GLP1R: variants seen among roughly 807,000 people sequenced by gnomAD.
The protein encoded by GLP1R is glucagon like peptide 1 receptor.
A neutral mutation model predicts 68.4 loss-of-function variants in GLP1R; 32 were observed. The observed-to-expected ratio is 0.47, with a 90% CI of 0.35 to 0.63. The LOEUF (loss-of-function observed/expected upper bound fraction) is 0.63. Among genes scored for constraint, GLP1R ranks in the 20% least tolerant of loss-of-function variants. The probability of loss-of-function intolerance (pLI) is 0.00; values close to 1 mark genes in which losing one functional copy is unlikely to be tolerated. For synonymous variants in GLP1R, 263 were observed against 244.4 expected, an observed-to-expected ratio of 1.08 and a Z score of -0.71; for missense variants, 502 against 594.9, an observed-to-expected ratio of 0.84 and a Z score of 1.62.
intron 1 of GLP1R, among the ~76,000 whole-genome samples, chr6:39,051,323 C>T (rs1050175532): frequency 6.6e-6 from 1 of 152,112 alleles, no homozygotes; most frequent in African/African-American, 2.4e-5. Context: ...ACTTTAGTCA[C>T]TTTAGTCAAA....
In GLP1R at chr6:39,086,197, A is replaced by G. The variant is rs1769143699; in HGVS notation, c.*124A>G. 2 of 593,002 alleles carry G rather than the reference A, an allele frequency of 3.4e-6. No homozygotes were observed. The highest frequency in any genetic ancestry group is 5.4e-6 in the Non-Finnish European group (2 of 367,992). 36.7% of individuals were successfully genotyped at this position (593,002 alleles called of 1,614,324 possible). A position where few individuals can be genotyped will look rare whatever the true frequency, so the allele number is the denominator to read the frequency against. On this transcript the variant is annotated 3_prime_UTR_variant, in exon 13 of 13. Transcript: ENST00000373256. This position sits in a 1 kb window ranked among gnomAD's most constrained non-coding sequence, Gnocchi z 4.5. ...CACACACACACACACACACACACAC[A>G]CACACACATACATCCTGCTTTCCCT...
In GLP1R at chr6:39,079,133, C is replaced by G. The variant is rs200118342; in HGVS notation, c.976C>G (p.Arg326Gly). Residue 326 changes from arginine (R) to glycine (G), a missense_variant, in exon 10 of 13, where the codon CGG becomes GGG. Coordinates refer to ENST00000373256, the MANE Select transcript of GLP1R (RefSeq NM_002062.5). This position sits in a 1 kb window ranked among gnomAD's most constrained non-coding sequence, Gnocchi z 4.5. ...GCAGGTGAACTTCCTCATCTTTGTT[C>G]GGGTCATCTGCATCGTGGTATCCAA... ...AIGVNFLIFV[R>G]VICIVVSKLK... The G allele has an allele frequency of 6.2e-7, 1 of 1,613,910 alleles. No homozygotes were observed. Among genetic ancestry groups the G allele is most frequent in the Non-Finnish European group, 8.5e-7 (1 of 1,179,948 alleles).
At position 39,066,313 on chromosome 6, in the gene GLP1R, C is replaced by T. The variant is rs2150827969; in HGVS notation, c.509+10C>T. 2.0e-6 allele frequency: 3 copies of T among 1,522,140 alleles called. No individual in the cohort carries two copies. Among genetic ancestry groups the T allele is most frequent in the Admixed American group, 1.7e-5 (1 of 59,766 alleles). 94.3% of individuals were successfully genotyped at this position (1,522,140 alleles called of 1,614,324 possible). The stretch of plus-strand genomic sequence containing the variant: ...TCCTCCTCGGCTTCAGGTAAGGTGG[C>T]CCGGACCCTGGGAGGGGGCTGCTTC... On this transcript the variant is annotated intron_variant, in intron 5 of 12. Transcript: ENST00000373256.
chr6:39,074,649 A>G (rs1159720720), intron 7 of GLP1R, among the ~76,000 whole-genome samples: 2 of 151,896 alleles, frequency 1.3e-5, no homozygotes, highest in Non-Finnish European at 2.9e-5. Flanking sequence ...CGCTGCTCTG[A>G]CCACGGCTGC....
chr6:39,060,421 G>A (rs1352719907), intron 3 of GLP1R, among the ~76,000 whole-genome samples: 3 of 152,202 alleles, frequency 2.0e-5, no homozygotes, highest in African/African-American at 2.4e-5. Flanking sequence ...AGGGACCAAT[G>A]AGGCATATAA....
At chr6:39,078,203 G>A (rs1266480542) in intron 7 of GLP1R, 119 bp from the exon 8 acceptor site, 4 of 753,772 alleles carry the variant, frequency 5.3e-6, no homozygotes, top group Non-Finnish European at 7.1e-6. Flanking sequence ...ATAGTTGGAG[G>A]CCAGGCAAGG....
At chr6:39,066,747 T>C (rs1420305105) in intron 5 of GLP1R, among the ~76,000 whole-genome samples, 1 of 152,140 alleles carries the variant, frequency 6.6e-6, no homozygotes, top group Non-Finnish European at 1.5e-5. Context: ...AGATCTAACC[T>C]AGATGAGACG....
chr6:39,078,406 C>A, intron 8 of GLP1R, 24 bp downstream of exon 8: 1 of 1,559,902 alleles, frequency 6.4e-7, no homozygotes, highest in Non-Finnish European at 8.8e-7. Flanking sequence ...TCCAAGGGGG[C>A]GGGTGTGCCC....
Position 39,086,209 on chromosome 6 carries a change from A to C in GLP1R, c.*136A>C. ...CACACACACACACACACACACATAC[A>C]TCCTGCTTTCCCTCCCCAAACCCAT... On this transcript the variant is annotated 3_prime_UTR_variant, in exon 13 of 13. Coordinates refer to ENST00000373256, the MANE Select transcript of GLP1R (RefSeq NM_002062.5). This position sits in a 1 kb window ranked among gnomAD's most constrained non-coding sequence, Gnocchi z 4.5. The C allele has an allele frequency of 3.1e-6, 2 of 654,166 alleles. No homozygotes were observed. Among genetic ancestry groups the C allele is most frequent in the East Asian group, 3.0e-5 (1 of 33,370 alleles). 40.5% of individuals were successfully genotyped at this position (654,166 alleles called of 1,614,324 possible). A position where few individuals can be genotyped will look rare whatever the true frequency, so the allele number is the denominator to read the frequency against.
chr6:39,069,429 C>T (rs965492818), intron 5 of GLP1R, among the ~76,000 whole-genome samples: 3 of 152,098 alleles, frequency 2.0e-5, no homozygotes, highest in Admixed American at 6.5e-5. Flanking sequence ...GTCAGGAGAT[C>T]GAGACCATCC....
intron 3 of GLP1R, among the ~76,000 whole-genome samples, chr6:39,064,227 A>G (rs888825275): frequency 6.6e-6 from 1 of 151,586 alleles, no homozygotes; most frequent in Non-Finnish European, 1.5e-5. Context: ...CTGGTCTCGA[A>G]CTCTTGAGCT....
Position 39,057,498 on chromosome 6 carries a change from G to A in GLP1R, c.202G>A (p.Glu68Lys). ...CTTGTTCTGCAACCGGACCTTCGAT[G>A]AATACGCCTGCTGGCCAGATGGGGA... ...TDLFCNRTFD[E>K]YACWPDGEPG... Residue 68 changes from glutamate to lysine, a missense_variant, in exon 3 of 13, where the codon GAA (glutamate) becomes AAA (lysine). Physicochemically the swap from Glu to Lys is moderately conservative, Grantham distance 56. Coordinates refer to ENST00000373256, the MANE Select transcript of GLP1R (RefSeq NM_002062.5). 1 of 1,613,474 alleles carries A rather than the reference G, an allele frequency of 6.2e-7. No individual in the cohort carries two copies.
intron 11 of GLP1R, 67 bp from the exon 12 acceptor site, chr6:39,080,631 G>T (rs575965190): frequency 7.9e-6 from 9 of 1,132,098 alleles, no homozygotes; most frequent in Non-Finnish European, 1.0e-5. Context: ...AAGTGCTTCC[G>T]ACCAGGGCCA....
chr6:39,091,152 G>A lies in GLP1R; in HGVS notation c.*5079G>A, dbSNP rs1769268390. 1.3e-5 allele frequency among the ~76,000 whole-genome samples: 2 copies of A among 152,146 alleles called. No individual in the cohort carries two copies. Among genetic ancestry groups the A allele is most frequent in the African/African-American group, 2.4e-5 (1 of 41,426 alleles). On this transcript the variant is annotated 3_prime_UTR_variant, in exon 13 of 13. Transcript: ENST00000373256. ...AGTGTTTAAACAAGATCATTTCCAG[G>A]TGATTTCTTAACATATAAATTCCTG...
chr6:39,075,416 G>A (rs1039703765), intron 7 of GLP1R, among the ~76,000 whole-genome samples: 4 of 152,194 alleles, frequency 2.6e-5, no homozygotes, highest in Non-Finnish European at 4.4e-5. Context: ...CCGAGGGCAG[G>A]AACAATCAAG....
intron 7 of GLP1R, among the ~76,000 whole-genome samples, chr6:39,077,831 A>T (rs1443173158): frequency 6.6e-6 from 1 of 152,200 alleles, no homozygotes; most frequent in Non-Finnish European, 1.5e-5. Flanking sequence ...GATTCTGCCG[A>T]GCCCTCTTGA....
chr6:39,053,210 C>T (rs1022110965), intron 1 of GLP1R, among the ~76,000 whole-genome samples: 3 of 152,290 alleles, frequency 2.0e-5, no homozygotes, highest in East Asian at 1.9e-4. Context: ...GCATCCTTCC[C>T]GCTACCCAGA....
Position 39,065,841 on chromosome 6 carries a change from C to G in GLP1R, c.402+12C>G. 6.6e-7 allele frequency: 1 copy of G among 1,522,602 alleles called. No homozygotes were observed. The highest frequency in any genetic ancestry group is 1.1e-5 in the South Asian group (1 of 87,844). 94.3% of individuals were successfully genotyped at this position (1,522,602 alleles called of 1,614,324 possible). A position where few individuals can be genotyped will look rare whatever the true frequency, so the allele number is the denominator to read the frequency against. ...AGCGAGGGGAAAGAGTGAGTTGAGG[C>G]GGGGTTCTGAGCCAGGGAGCGGGGA... On this transcript the variant is annotated intron_variant, in intron 4 of 12. Coordinates refer to ENST00000373256, the MANE Select transcript of GLP1R (RefSeq NM_002062.5).
At chr6:39,052,910 T>C (rs1235702698) in intron 1 of GLP1R, among the ~76,000 whole-genome samples, 1 of 152,200 alleles carries the variant, frequency 6.6e-6, no homozygotes, top group East Asian at 1.9e-4. Context: ...CGCTGTCCAG[T>C]GCTCCTTCCT....
Sources: allele counts gnomAD v4.1 joint callset (sites outside exome capture counted in the v4.1 genomes callset), GRCh38; gene constraint gnomAD v4.1.1; non-coding constraint Gnocchi (gnomAD v3.1); transcripts MANE v1.5; gene names NCBI Gene and HGNC (gene_info 2026-07-23, HGNC 2026-07-21).